The following ABLIM1 variants were observed in gnomAD, a reference collection of about 807,000 sequenced individuals.
ABLIM1 encodes actin-binding LIM protein 1.
A neutral mutation model predicts 107.0 loss-of-function variants in ABLIM1; 40 were observed. The observed-to-expected ratio is 0.37, with a 90% CI of 0.29 to 0.49. The LOEUF is 0.49. Ranked by LOEUF, ABLIM1 falls within the 20% of genes least tolerant of loss-of-function variation. The pLI is 0.97. For missense variants in ABLIM1, 857 were observed against 1,008.5 expected (o/e 0.85, Z 2.04); for synonymous variants, 357 against 357.3 (o/e 1.00, Z 0.01).
At chr10:114,785,401 A>G in the ABLIM1 span, among the ~76,000 whole-genome samples, 6 of 152,350 alleles carry the variant, frequency 3.9e-5, no homozygotes, top group South Asian at 1.0e-3. Flanking sequence ...AAAAGGAATT[A>G]TAGTTATTCT....
intron 1 of ABLIM1, among the ~76,000 whole-genome samples, chr10:114,745,449 T>A (rs888017947): frequency 6.6e-6 from 1 of 152,008 alleles, no homozygotes; most frequent in Non-Finnish European, 1.5e-5. Context: ...TAATCCCAGC[T>A]ACCCAGGAGG....
intron 22 of ABLIM1, among the ~76,000 whole-genome samples, chr10:114,437,475 T>C (rs546280481): frequency 1.3e-5 from 2 of 151,588 alleles, no homozygotes; most frequent in African/African-American, 2.4e-5. Flanking sequence ...CCTGCCACCA[T>C]GCCCCGTGAA....
chr10:114,563,469 A>T (rs2138410428), intron 4 of ABLIM1, among the ~76,000 whole-genome samples: 1 of 152,270 alleles, frequency 6.6e-6, no homozygotes, highest in Middle Eastern at 3.4e-3. Flanking sequence ...TTAAAATGCA[A>T]TTGGTTATGC....
chr10:114,557,385 T>C (rs1017897974), intron 4 of ABLIM1, among the ~76,000 whole-genome samples: 1 of 152,142 alleles, frequency 6.6e-6, no homozygotes, highest in Non-Finnish European at 1.5e-5. Flanking sequence ...GAGTGGCCCA[T>C]AATAGCAACA....
chr10:114,681,027 C>G (rs2080724625), intron 1 of ABLIM1, among the ~76,000 whole-genome samples: 1 of 151,994 alleles, frequency 6.6e-6, no homozygotes, highest in Admixed American at 6.6e-5. Flanking sequence ...GACAGTCACT[C>G]TAAATGTAAA....
chr10:114,725,904 C>T (rs2081949473), intron 1 of ABLIM1, among the ~76,000 whole-genome samples: 1 of 151,818 alleles, frequency 6.6e-6, no homozygotes, highest in African/African-American at 2.4e-5. Flanking sequence ...CACCACCATG[C>T]ACAGCTAATT....
At chr10:114,448,056 T>C (rs756148511) in intron 14 of ABLIM1, 36 bp from the exon 15 acceptor site, 13 of 1,613,588 alleles carry the variant, frequency 8.1e-6, no homozygotes, top group East Asian at 2.2e-5. Flanking sequence ...TGCTTAGCTA[T>C]TGGTCTGTAA....
At chr10:114,717,161 A>G (rs2081688562) in intron 1 of ABLIM1, among the ~76,000 whole-genome samples, 2 of 152,158 alleles carry the variant, frequency 1.3e-5, no homozygotes, top group South Asian at 4.1e-4. Context: ...CAGTGAAGTA[A>G]TTTTACCATT....
Position 114,492,912 on chromosome 10 carries a change from T to C in ABLIM1, c.895-1034A>G, listed in dbSNP as rs568545324. On this transcript the variant is annotated intron_variant, in intron 6 of 22. Coordinates refer to ENST00000533213, the MANE Select transcript of ABLIM1 (RefSeq NM_002313.7). ...TCCACTTAGCAACCAGCACGTGAGG[T>C]GGTGGTTAGCCCTTTAAGATAATCA... Among the ~76,000 whole-genome samples the C allele has an allele frequency of 4.1e-4, 62 of 152,236 alleles. 1 individual carries two copies. Among genetic ancestry groups the C allele is most frequent in the African/African-American group, 1.4e-3 (60 of 41,530 alleles).
intron 1 of ABLIM1, among the ~76,000 whole-genome samples, chr10:114,741,745 G>A (rs537229956): frequency 6.6e-6 from 1 of 152,296 alleles, no homozygotes; most frequent in Non-Finnish European, 1.5e-5. Flanking sequence ...TTAGATTTAT[G>A]ACTAATCAAA....
intron 1 of ABLIM1, among the ~76,000 whole-genome samples, chr10:114,716,843 A>T (rs1591875161): frequency 2.2e-4 from 3 of 13,708 alleles, no homozygotes; most frequent in Non-Finnish European, 3.1e-4. Context: ...TGGAACTGTT[A>T]AAAAAAAAAA....
At chr10:114,552,435 A>G (rs1395578457) in intron 4 of ABLIM1, among the ~76,000 whole-genome samples, 1 of 152,032 alleles carries the variant, frequency 6.6e-6, no homozygotes, top group Non-Finnish European at 1.5e-5. Context: ...TCGAGGAAAT[A>G]AAACCCATGA....
chr10:114,561,162 C>G (rs2069641273), intron 4 of ABLIM1, among the ~76,000 whole-genome samples: 1 of 152,184 alleles, frequency 6.6e-6, no homozygotes, highest in Non-Finnish European at 1.5e-5. Flanking sequence ...CTTTAACTGG[C>G]TATGTTCACC....
chr10:114,499,234 T>C (rs2060072219), intron 6 of ABLIM1, among the ~76,000 whole-genome samples: 1 of 152,232 alleles, frequency 6.6e-6, no homozygotes, highest in Admixed American at 6.5e-5. Context: ...AGTATTTAAG[T>C]AGTTGTTTCT....
At chr10:114,601,795 G>A (rs779959841) in intron 2 of ABLIM1, 32 bp downstream of exon 2, 1 of 1,614,144 alleles carries the variant, frequency 6.2e-7, no homozygotes, top group East Asian at 2.2e-5. Flanking sequence ...ACCATGGCAT[G>A]CCACTGAGCC....
chr10:114,527,655 T>TTG (rs1226071201), intron 6 of ABLIM1, among the ~76,000 whole-genome samples: 1 of 131,694 alleles, frequency 7.6e-6, no homozygotes, highest in African/African-American at 3.5e-5. Context: ...GTAACAACTC[T>TTG]TGTCTTTTTT....
At chr10:114,554,312 G>A (rs199990444) in intron 4 of ABLIM1, among the ~76,000 whole-genome samples, 2 of 152,214 alleles carry the variant, frequency 1.3e-5, no homozygotes, top group Admixed American at 6.5e-5. Context: ...CCTAGGAAAT[G>A]GTGAAGCTCT....
intron 1 of ABLIM1, among the ~76,000 whole-genome samples, chr10:114,746,751 AACAGGTGTGAGGTGATAT>A (rs2082394003): frequency 6.6e-6 from 1 of 152,222 alleles, no homozygotes; most frequent in South Asian, 2.1e-4. Context: ...CAGCTATTCT[AACAGGTGTGAGGTGATAT>A]TTCATTGTAG....
At position 114,629,746 on chromosome 10, in the gene ABLIM1, C is replaced by T. The variant is rs1400086883; in HGVS notation, c.245-27785G>A. 1.3e-5 allele frequency among the ~76,000 whole-genome samples: 2 copies of T among 152,170 alleles called. No homozygotes were observed. The highest frequency in any genetic ancestry group is 1.3e-4 in the Admixed American group (2 of 15,270). ...AGTTTTCTCATCTCTAGGATGAATGCCTGGACTAAACGATCCCCAGTGCCC... is the reference window on the plus strand; with the variant it reads ...AGTTTTCTCATCTCTAGGATGAATGTCTGGACTAAACGATCCCCAGTGCCC... On this transcript the variant is annotated intron_variant, in intron 1 of 22. Coordinates refer to ENST00000533213, the MANE Select transcript of ABLIM1 (RefSeq NM_002313.7). The surrounding 1 kb of genome is among the most constrained non-coding windows in gnomAD (Gnocchi z 4.0).
Sources: gnomAD v4.1 joint callset for allele counts (sites outside exome capture counted in the v4.1 genomes callset) on GRCh38, gnomAD v4.1.1 for gene constraint, Gnocchi (gnomAD v3.1) non-coding constraint, MANE v1.5 for transcripts, NCBI Gene and HGNC (gene_info 2026-07-23, HGNC 2026-07-21) for gene names.